The following PLA2G4A variants were observed in gnomAD, a reference collection of about 807,000 sequenced individuals.
PLA2G4A encodes the protein phospholipase A2 group IVA, also known as cytosolic phospholipase A2.
PLA2G4A carries 40 observed loss-of-function variants against 81.9 expected under a neutral mutation model. The ratio of observed to expected loss-of-function variants is 0.49; its 90% CI spans 0.38 to 0.64. The LOEUF is 0.64. PLA2G4A is among the 30% of genes least tolerant of loss of function. The pLI is 0.00. For missense variants in PLA2G4A, 715 were observed against 905.1 expected (o/e 0.79, Z 2.69); for synonymous variants, 302 against 296.9 (o/e 1.02, Z -0.18).
chr1:186,838,716 T>C (rs182995463), intron 1 of PLA2G4A, among the ~76,000 whole-genome samples: 24 of 152,320 alleles, frequency 1.6e-4, no homozygotes, highest in African/African-American at 4.8e-4. Flanking sequence ...CCTGCTTTTA[T>C]TGGACTCCTA....
intron 17 of PLA2G4A, among the ~76,000 whole-genome samples, chr1:186,983,631 A>G (rs535599099): frequency 6.6e-6 from 1 of 152,174 alleles, no homozygotes; most frequent in African/African-American, 2.4e-5. Flanking sequence ...CTCTTACTCA[A>G]TTCTCCCAAA....
chr1:186,847,356 ACG>A (rs1491141556), intron 1 of PLA2G4A, among the ~76,000 whole-genome samples: 1 of 100,208 alleles, frequency 1.0e-5, no homozygotes, highest in African/African-American at 4.2e-5. Context: ...ATTATTTCAT[ACG>A]TGTGTGTGTG....
Position 186,875,885 on chromosome 1 carries a change from T to C in PLA2G4A, c.115+5369T>C, listed in dbSNP as rs556538966. On this transcript the variant is annotated intron_variant, in intron 3 of 17. Transcript: ENST00000367466. ...TAAATCCTTGCTGCTAGTGAAAATA[T>C]GGCTGTTCTCCCAAAGGGAAGATTA... Among the ~76,000 whole-genome samples, 10 of 152,266 alleles carry C rather than the reference T, an allele frequency of 6.6e-5. No individual in the cohort carries two copies. In the South Asian group the frequency reaches 2.1e-3, roughly 32 times the overall value.
chr1:186,899,401 A>G (rs545068367), intron 5 of PLA2G4A, among the ~76,000 whole-genome samples: 2 of 152,248 alleles, frequency 1.3e-5, no homozygotes, highest in African/African-American at 4.8e-5. Context: ...GTGGACATCA[A>G]TGTCTTAGGC....
intron 1 of PLA2G4A, among the ~76,000 whole-genome samples, chr1:186,832,771 A>T (rs1651640763): frequency 6.6e-6 from 1 of 152,200 alleles, no homozygotes; most frequent in Non-Finnish European, 1.5e-5. Flanking sequence ...TAACTTACAT[A>T]ATCATAGCAC....
chr1:186,980,490 T>C (rs1264248915), intron 17 of PLA2G4A, among the ~76,000 whole-genome samples: 2 of 152,220 alleles, frequency 1.3e-5, no homozygotes, highest in African/African-American at 4.8e-5. Context: ...AGTGGCCTAA[T>C]TGGATTTTGT....
At chr1:186,851,673 T>C (rs532002292) in intron 1 of PLA2G4A, among the ~76,000 whole-genome samples, 22 of 152,096 alleles carry the variant, frequency 1.4e-4, no homozygotes, top group Non-Finnish European at 1.8e-4. Context: ...TCACTCAATA[T>C]AGGTATATAT....
chr1:186,977,819 A>G (rs1478367377), intron 16 of PLA2G4A, 31 bp downstream of exon 16: 2 of 1,423,170 alleles, frequency 1.4e-6, no homozygotes, highest in Non-Finnish European at 2.0e-6. Context: ...ATTCCATAAA[A>G]TAGAAATTAA....
intron 8 of PLA2G4A, among the ~76,000 whole-genome samples, chr1:186,937,677 T>C (rs1052937711): frequency 6.6e-6 from 1 of 151,788 alleles, no homozygotes; most frequent in African/African-American, 2.4e-5. Flanking sequence ...TTATAATTTA[T>C]TGTGAAATAG....
At chr1:186,865,466 C>CA (rs1023178359) in intron 2 of PLA2G4A, among the ~76,000 whole-genome samples, 1 of 151,664 alleles carries the variant, frequency 6.6e-6, no homozygotes, top group Non-Finnish European at 1.5e-5. Context: ...AGTATCTTAC[C>CA]AAAAAAACCT....
intron 14 of PLA2G4A, among the ~76,000 whole-genome samples, chr1:186,960,830 G>A (rs2102267395): frequency 6.6e-6 from 1 of 152,260 alleles, no homozygotes; most frequent in East Asian, 1.9e-4. Flanking sequence ...TGCTGTTAGT[G>A]GAAGCCATAG....
intron 5 of PLA2G4A, 131 bp downstream of exon 5, chr1:186,894,342 T>G (rs1237558236): frequency 1.6e-6 from 1 of 640,638 alleles, no homozygotes; most frequent in Non-Finnish European, 2.8e-6. Context: ...AAGAGAAAAT[T>G]TTGTTTTTCT....
At chr1:186,905,561 G>A in intron 5 of PLA2G4A, among the ~76,000 whole-genome samples, 1 of 152,158 alleles carries the variant, frequency 6.6e-6, no homozygotes, top group South Asian at 2.1e-4. Context: ...ATATGTATAT[G>A]CTTCTTTGAT....
In PLA2G4A at chr1:186,963,466, C is replaced by T. The variant is rs377504943; in HGVS notation, c.1580-1943C>T. Among the ~76,000 whole-genome samples, 11 of 152,306 alleles carry T rather than the reference C, an allele frequency of 7.2e-5. No individual in the cohort carries two copies. The East Asian group carries it at 1.3e-3, about 19-fold the overall frequency. ...GATAATTATTTAAAGAACTATTTCT[C>T]GTCTCTCTCCTTATTGCCCTATAAG... On this transcript the variant is annotated intron_variant, in intron 14 of 17. Transcript: ENST00000367466.
chr1:186,947,930 G>A (rs1656400493), intron 12 of PLA2G4A, among the ~76,000 whole-genome samples: 1 of 152,124 alleles, frequency 6.6e-6, no homozygotes, highest in Non-Finnish European at 1.5e-5. Context: ...GCTTCCTGCA[G>A]GAATTTTAAA....
intron 2 of PLA2G4A, 66 bp downstream of exon 2, chr1:186,854,453 G>A (rs748699115): frequency 4.6e-5 from 47 of 1,030,002 alleles, no homozygotes; most frequent in South Asian, 6.3e-5. Context: ...TGAATATTGC[G>A]GGTGTTGCTA....
chr1:186,889,396 T>C (rs1252799906), intron 3 of PLA2G4A, among the ~76,000 whole-genome samples: 1 of 152,246 alleles, frequency 6.6e-6, no homozygotes, highest in East Asian at 1.9e-4. Context: ...TCGGGGTCTA[T>C]GTTTTTACAA....
At chr1:186,846,666 T>C (rs1253971426) in intron 1 of PLA2G4A, among the ~76,000 whole-genome samples, 1 of 152,164 alleles carries the variant, frequency 6.6e-6, no homozygotes, top group East Asian at 1.9e-4. Flanking sequence ...CTCTACTTTT[T>C]TATTAGAATG....
rs201251994 is a variant in PLA2G4A at position 186,939,015 on chromosome 1, T to A, written c.703T>A (p.Ser235Thr). The A allele has an allele frequency of 3.9e-6, 6 of 1,557,950 alleles. No homozygotes were observed. Reference sequence around the variant, plus strand: ...GTTTTGTTTTCTGTATAGGTATATGTCAACCTTGTATTCTCACCCTGATTT... The same window carrying A: ...GTTTTGTTTTCTGTATAGGTATATGACAACCTTGTATTCTCACCCTGATTT... ...AGLSGSTWYM[S>T]TLYSHPDFPE... is the part of the protein sequence containing the mutation. Residue 235 changes from serine (S) to threonine (T), a missense_variant, in exon 9 of 18, where the codon TCA (serine) becomes ACA (threonine). Physicochemically the swap from Ser to Thr is moderately conservative, Grantham distance 58. Coordinates refer to ENST00000367466, the MANE Select transcript of PLA2G4A (RefSeq NM_024420.3).
Sources: allele counts gnomAD v4.1 joint callset (sites outside exome capture counted in the v4.1 genomes callset), GRCh38; gene constraint gnomAD v4.1.1; transcripts MANE v1.5; gene names NCBI Gene and HGNC (gene_info 2026-07-23, HGNC 2026-07-21).